RBFOX1: variants seen among roughly 807,000 people sequenced by gnomAD.
RBFOX1 encodes the protein RNA binding protein fox-1 homolog 1.
RBFOX1 carries 8 observed loss-of-function variants against 57.7 expected under a neutral mutation model. That is an observed-to-expected ratio of 0.14 (90% confidence interval 0.08 to 0.25). The LOEUF is 0.25. Ranked by LOEUF, RBFOX1 falls within the 10% of genes least tolerant of loss-of-function variation. The probability of loss-of-function intolerance (pLI) is 1.00; values close to 1 mark genes in which losing one functional copy is unlikely to be tolerated. For missense variants in RBFOX1, 611 were observed against 548.5 expected (o/e 1.11, Z -1.14); for synonymous variants, 326 against 222.4 (o/e 1.47, Z -4.15).
intron 2 of RBFOX1, among the ~76,000 whole-genome samples, chr16:6,584,154 A>T (rs1420919381): frequency 6.6e-6 from 1 of 151,838 alleles, no homozygotes; most frequent in Non-Finnish European, 1.5e-5. Context: ...ATTGTGTGGT[A>T]AGCATTGTCC....
chr16:7,509,426 G>GTGTC (rs1555531505), intron 4 of RBFOX1, among the ~76,000 whole-genome samples: 3,822 of 146,316 alleles, frequency 0.026, 154 homozygotes, highest in African/African-American at 0.091. Context: ...GTGTGTGTGT[G>GTGTC]TGTGTCTGTG....
intron 4 of RBFOX1, among the ~76,000 whole-genome samples, chr16:7,270,572 A>G (rs764312217): frequency 1.2e-4 from 19 of 152,216 alleles, no homozygotes; most frequent in Non-Finnish European, 2.6e-4. Flanking sequence ...CCCACAGACT[A>G]GAATCATATT....
chr16:5,398,548 G>C (rs1007347034), intron 1 of RBFOX1, among the ~76,000 whole-genome samples: 1 of 151,852 alleles, frequency 6.6e-6, no homozygotes, highest in African/African-American at 2.4e-5. Context: ...ACATGCACGA[G>C]TTCGTGTGTG....
intron 4 of RBFOX1, among the ~76,000 whole-genome samples, chr16:7,478,008 C>T (rs545175016): frequency 2.9e-4 from 44 of 152,288 alleles, no homozygotes; most frequent in Non-Finnish European, 5.3e-4. Context: ...TCCTCCTTCT[C>T]TCTACACTGT....
intron 4 of RBFOX1, among the ~76,000 whole-genome samples, chr16:7,418,131 G>A (rs2149287127): frequency 6.6e-6 from 1 of 152,198 alleles, no homozygotes; most frequent in South Asian, 2.1e-4. Context: ...GGCCAACCTA[G>A]GTCCATTAGC....
chr16:7,485,468 C>A (rs149855263), intron 4 of RBFOX1, among the ~76,000 whole-genome samples: 5 of 152,320 alleles, frequency 3.3e-5, no homozygotes, highest in Middle Eastern at 3.4e-3. Flanking sequence ...AATGCTTCAA[C>A]CTCCCACATG....
Position 6,978,158 on chromosome 16 carries a change from G to A in RBFOX1, c.-15-73899G>A, listed in dbSNP as rs2087627614. Among the ~76,000 whole-genome samples the A allele has an allele frequency of 2.0e-5, 3 of 152,094 alleles. No homozygotes were observed. The South Asian group carries it at 6.2e-4, about 31-fold the overall frequency. On this transcript the variant is annotated intron_variant, in intron 3 of 15. Transcript: ENST00000550418. ...CGGGCATGATGCCCTGGGCCCCATG[G>A]CATACGGCAGTGGAGGTAATTAGCC...
chr16:6,030,645 C>T (rs1206134139), intron 1 of RBFOX1, among the ~76,000 whole-genome samples: 2 of 152,090 alleles, frequency 1.3e-5, no homozygotes, highest in Non-Finnish European at 1.5e-5. Context: ...TAAATTACAG[C>T]CCTTTAAAAC....
chr16:5,337,690 G>A (rs536764052), intron 1 of RBFOX1, among the ~76,000 whole-genome samples: 1 of 152,340 alleles, frequency 6.6e-6, no homozygotes, highest in African/African-American at 2.4e-5. Flanking sequence ...TCTGGAAGAG[G>A]TGAATCCTCA....
intron 3 of RBFOX1, among the ~76,000 whole-genome samples, chr16:6,877,439 C>G (rs902697050): frequency 6.6e-6 from 1 of 151,994 alleles, no homozygotes; most frequent in African/African-American, 2.4e-5. Flanking sequence ...ACAAGCAAAA[C>G]CAGAGTAGTG....
intron 3 of RBFOX1, among the ~76,000 whole-genome samples, chr16:5,617,840 T>A (rs752166066): frequency 2.6e-5 from 4 of 152,140 alleles, no homozygotes; most frequent in African/African-American, 7.2e-5. Context: ...GATGAGAGTG[T>A]CTCTCCTTCC....
At chr16:7,252,075 G>A (rs1057136724) in intron 4 of RBFOX1, among the ~76,000 whole-genome samples, 5 of 152,144 alleles carry the variant, frequency 3.3e-5, no homozygotes, top group African/African-American at 1.2e-4. Context: ...CTGCAAACAT[G>A]GTTACTGAAT....
At chr16:6,112,622 C>T (rs766808902) in intron 1 of RBFOX1, among the ~76,000 whole-genome samples, 2 of 152,094 alleles carry the variant, frequency 1.3e-5, no homozygotes, top group Non-Finnish European at 1.5e-5. Flanking sequence ...ACCCAGGAGC[C>T]GGAGGTTGCG....
At chr16:7,583,993 T>C (rs6500988) in intron 6 of RBFOX1, among the ~76,000 whole-genome samples, 126,376 of 152,114 alleles carry the variant, frequency 0.83, 53,468 homozygotes, top group Middle Eastern at 0.94. Context: ...CCTGTACTTA[T>C]GACGTTAATG....
intron 1 of RBFOX1, among the ~76,000 whole-genome samples, chr16:5,391,829 T>TAC (rs750921189): frequency 7.8e-4 from 118 of 151,038 alleles, no homozygotes; most frequent in Admixed American, 1.8e-3. Context: ...TGTATATATA[T>TAC]ACACACACAC....
chr16:6,089,073 A>AT (rs2096131302), intron 1 of RBFOX1, among the ~76,000 whole-genome samples: 8 of 146,832 alleles, frequency 5.4e-5, no homozygotes, highest in African/African-American at 2.1e-4. Context: ...CTCAAAAAAA[A>AT]AAAAAATATA....
chr16:5,252,801 G>C (rs561185124), intron 1 of RBFOX1, among the ~76,000 whole-genome samples: 1 of 152,328 alleles, frequency 6.6e-6, no homozygotes, highest in African/African-American at 2.4e-5. Context: ...TCTGCAAGGG[G>C]CCTGCAGATG....
At chr16:6,969,038 T>C (rs1203031231) in intron 3 of RBFOX1, among the ~76,000 whole-genome samples, 1 of 152,082 alleles carries the variant, frequency 6.6e-6, no homozygotes, top group Non-Finnish European at 1.5e-5. Flanking sequence ...TTTTCTCCTG[T>C]AGTTAATACA....
At chr16:5,854,933 G>A (rs2056987244) in intron 3 of RBFOX1, among the ~76,000 whole-genome samples, 1 of 152,158 alleles carries the variant, frequency 6.6e-6, no homozygotes, top group East Asian at 1.9e-4. Context: ...AGTGTGAGGT[G>A]ATACCTCATT....
Sources: allele counts gnomAD v4.1 joint callset (sites outside exome capture counted in the v4.1 genomes callset), GRCh38; gene constraint gnomAD v4.1.1; transcripts MANE v1.5; gene names NCBI Gene and HGNC (gene_info 2026-07-23, HGNC 2026-07-21).